SCAMP4: variants seen among roughly 807,000 people sequenced by gnomAD.
The protein encoded by SCAMP4 is secretory carrier membrane protein 4, also known as secretory carrier-associated membrane protein 4.
SCAMP4 carries 19 observed loss-of-function variants against 32.1 expected under a neutral mutation model. The observed-to-expected ratio is 0.59, with a 90% CI of 0.41 to 0.87. The LOEUF is 0.87. Among genes scored for constraint, SCAMP4 ranks in the 40% least tolerant of loss-of-function variants. The pLI is 0.00. For missense variants in SCAMP4, 302 were observed against 309.0 expected, an observed-to-expected ratio of 0.98 and a Z score of 0.17; for synonymous variants, 152 against 132.7, an observed-to-expected ratio of 1.15 and a Z score of -1.00.
chr19:1,923,924 CTATTTTTTATATT>C (rs1568777283), intron 6 of SCAMP4, among the ~76,000 whole-genome samples, 171 bp from the exon 7 acceptor site: 2 of 95,818 alleles, frequency 2.1e-5, no homozygotes, highest in Non-Finnish European at 5.8e-5. Context: ...CGTGCCCGGC[CTATTTTTTATATT>C]GTAGTAGAGA....
intron 1 of SCAMP4, 52 bp downstream of exon 1, chr19:1,905,491 A>T (rs1192287028): frequency 5.1e-6 from 2 of 395,442 alleles, no homozygotes; most frequent in Admixed American, 2.7e-5. Flanking sequence ...ACTTCCCCAG[A>T]GGGGGAGTAG....
Position 1,908,609 on chromosome 19 carries a change from C to G in SCAMP4, c.-42+3170C>G. 2.1e-6 allele frequency: 1 copy of G among 470,714 alleles called. No individual in the cohort carries two copies. The highest frequency in any genetic ancestry group is 1.6e-5 in the South Asian group (1 of 64,496). The allele number at this position is 470,714 out of a possible 1,614,324, so 29.2% of individuals were successfully genotyped here. ...CCAGCACCATCTGAGGCAGTACTGT[C>G]TGCTAGAAATAACTGTGAGCACACA... is the stretch of plus-strand genomic sequence containing the variant. On this transcript the variant is annotated intron_variant, in intron 1 of 6. Coordinates refer to ENST00000316097, the MANE Select transcript of SCAMP4 (RefSeq NM_079834.4). This position sits in a 1 kb window ranked among gnomAD's most constrained non-coding sequence, Gnocchi z 4.2.
chr19:1,912,379 G>A, intron 1 of SCAMP4: 2 of 1,521,256 alleles, frequency 1.3e-6, no homozygotes, highest in Admixed American at 2.0e-5. Context: ...ATGCTGCTTT[G>A]CCTGGCTGGG....
Position 1,908,457 on chromosome 19 carries a change from C to G in SCAMP4, c.-42+3018C>G. 1 of 470,242 alleles carries G rather than the reference C, an allele frequency of 2.1e-6. No homozygotes were observed. The highest frequency in any genetic ancestry group is 1.5e-5 in the South Asian group (1 of 64,526). The allele number at this position is 470,242 out of a possible 1,614,324, so 29.1% of individuals were successfully genotyped here. On this transcript the variant is annotated intron_variant, in intron 1 of 6. Coordinates refer to ENST00000316097, the MANE Select transcript of SCAMP4 (RefSeq NM_079834.4). The surrounding 1 kb of genome is among the most constrained non-coding windows in gnomAD (Gnocchi z 4.2). ...AGTAGCACCCACAGCTGCGCGGCTG[C>G]GAAATGATCCAGAGACACATCCCTG...
rs200992550 is a variant in SCAMP4, at chr19:1,912,430, G to T, written c.-41-2549G>T. 2.2e-3 allele frequency: 3,289 copies of T among 1,511,234 alleles called. 4 individuals carry two copies. The highest frequency in any genetic ancestry group is 5.1e-3 in the Admixed American group (247 of 48,616). 93.6% of individuals were successfully genotyped at this position (1,511,234 alleles called of 1,614,324 possible). A position where few individuals can be genotyped will look rare whatever the true frequency, so the allele number is the denominator to read the frequency against. ...CGCTCGCTGGCTGAGCTCCTGCCAC[G>T]GCCGGCTGTGGACCCCCGCGGCCTG... On this transcript the variant is annotated intron_variant, in intron 1 of 6. Transcript: ENST00000316097.
At chr19:1,910,801 T>C (rs1486192522) in intron 1 of SCAMP4, among the ~76,000 whole-genome samples, 1 of 151,924 alleles carries the variant, frequency 6.6e-6, no homozygotes, top group African/African-American at 2.4e-5. Flanking sequence ...GGTCTCGATC[T>C]CGTGGCCTCA....
At position 1,924,193 on chromosome 19, in the gene SCAMP4, C is replaced by T. The variant is rs999407056; in HGVS notation, c.599C>T (p.Ser200Leu). Residue 200 changes from serine to leucine, a missense_variant, in exon 7 of 7, where the codon TCG (serine) becomes TTG (leucine). Coordinates refer to ENST00000316097, the MANE Select transcript of SCAMP4 (RefSeq NM_079834.4). ...WNTGTWRNPPSREAQYNNFSG... is the reference protein window; with the variant it reads ...WNTGTWRNPPLREAQYNNFSG... The stretch of plus-strand genomic sequence containing the variant: ...ACGGGCACTTGGCGGAACCCACCGT[C>T]GAGGGAGGCCCAGTACAACAACTTC... The T allele has an allele frequency of 5.0e-6, 8 of 1,610,382 alleles. No homozygotes were observed. Among genetic ancestry groups the T allele is most frequent in the East Asian group, 4.5e-5 (2 of 44,740 alleles).
rs2014024071 is a variant in SCAMP4 at position 1,924,168 on chromosome 19, A to G, written c.574A>G (p.Thr192Ala). 3.7e-6 allele frequency: 6 copies of G among 1,611,940 alleles called. No individual in the cohort carries two copies. The East Asian group carries it at 1.1e-4, about 30-fold the overall frequency. ...CCAGAAGGCACAGACGGAGTGGAAC[A>G]CGGGCACTTGGCGGAACCCACCGTC... ...SFQKAQTEWN[T>A]GTWRNPPSRE... Residue 192 changes from threonine (T) to alanine (A), a missense_variant, in exon 7 of 7, where the codon ACG becomes GCG. Coordinates refer to ENST00000316097, the MANE Select transcript of SCAMP4 (RefSeq NM_079834.4).
At chr19:1,911,887 C>G (rs2013469046) in intron 1 of SCAMP4, 1 of 856,224 alleles carries the variant, frequency 1.2e-6, no homozygotes, top group South Asian at 2.6e-5. Context: ...CTGTGCACAC[C>G]AGGGGTTAGC....
chr19:1,911,656 G>A (rs538993742), intron 1 of SCAMP4, among the ~76,000 whole-genome samples: 80 of 152,306 alleles, frequency 5.3e-4, no homozygotes, highest in African/African-American at 1.8e-3. Flanking sequence ...GGTGGCGCAT[G>A]CCTGTAATCC....
Position 1,912,538 on chromosome 19 carries a change from C to T in SCAMP4, c.-41-2441C>T, listed in dbSNP as rs887050126. 6.0e-6 allele frequency: 9 copies of T among 1,500,294 alleles called. No individual in the cohort carries two copies. In the African/African-American group the frequency reaches 1.2e-4, roughly 19 times the overall value. The allele number at this position is 1,500,294 out of a possible 1,614,324, so 92.9% of individuals were successfully genotyped here. ...GAGGAGGCCCGGGCCCACTGGCCCA[C>T]GTCCTTCCACGAGGACAAGCAGGTG... On this transcript the variant is annotated intron_variant, in intron 1 of 6. Transcript: ENST00000316097.
In SCAMP4 at chr19:1,912,842, C is replaced by T. The variant is rs753603109; in HGVS notation, c.-41-2137C>T. On this transcript the variant is annotated intron_variant, in intron 1 of 6. Transcript: ENST00000316097. The stretch of plus-strand genomic sequence containing the variant: ...ACGACTTCAGACCCTTCCCCGCCTG[C>T]TCCTTCGCCCCGGCCGCTGCCCCCC... 4.4e-6 allele frequency: 7 copies of T among 1,594,842 alleles called. No homozygotes were observed. The Admixed American group carries it at 1.2e-4, about 27-fold the overall frequency.
Position 1,908,442 on chromosome 19 carries a change from A to G in SCAMP4, c.-42+3003A>G, listed in dbSNP as rs1422597538. The stretch of plus-strand genomic sequence containing the variant: ...CAGTGCATGTCGAGGAGTAGCACCC[A>G]CAGCTGCGCGGCTGCGAAATGATCC... On this transcript the variant is annotated intron_variant, in intron 1 of 6. Coordinates refer to ENST00000316097, the MANE Select transcript of SCAMP4 (RefSeq NM_079834.4). This position sits in a 1 kb window ranked among gnomAD's most constrained non-coding sequence, Gnocchi z 4.2. 2.1e-6 allele frequency: 1 copy of G among 468,910 alleles called. No homozygotes were observed. The highest frequency in any genetic ancestry group is 7.0e-5 in the East Asian group (1 of 14,358). 29.0% of individuals were successfully genotyped at this position (468,910 alleles called of 1,614,324 possible).
At chr19:1,913,455 T>G (rs2013610238) in intron 1 of SCAMP4, 1 of 500,070 alleles carries the variant, frequency 2.0e-6, no homozygotes, top group Non-Finnish European at 3.7e-6. Context: ...CAAGTGGGTG[T>G]CTGTTAGGAG....
intron 6 of SCAMP4, 57 bp downstream of exon 6, chr19:1,923,244 C>G: frequency 7.0e-7 from 1 of 1,435,870 alleles, no homozygotes; most frequent in Non-Finnish European, 9.4e-7. Flanking sequence ...AACCTCGTCA[C>G]CCAACTGTCC....
intron 1 of SCAMP4, chr19:1,912,220 T>C: frequency 6.3e-7 from 1 of 1,594,678 alleles, no homozygotes. Context: ...GACGTGGAGC[T>C]GGTGCTGGCC....
At chr19:1,917,276 A>C (rs1188388415) in intron 2 of SCAMP4, among the ~76,000 whole-genome samples, 1 of 152,236 alleles carries the variant, frequency 6.6e-6, no homozygotes, top group Non-Finnish European at 1.5e-5. Flanking sequence ...ACTGCCCTCT[A>C]GCCTGGGAGA....
intron 5 of SCAMP4, chr19:1,920,988 C>T: frequency 2.3e-5 from 23 of 985,420 alleles, no homozygotes; most frequent in Non-Finnish European, 2.8e-5. Context: ...AGCATGCGGT[C>T]CCTGCCCGAG....
At chr19:1,918,632 G>A in intron 4 of SCAMP4, 1 of 547,926 alleles carries the variant, frequency 1.8e-6, no homozygotes, top group East Asian at 3.5e-5. Flanking sequence ...CGTGGTTGCG[G>A]GCGCCTATAA....
Sources: gnomAD v4.1 joint callset for allele counts (sites outside exome capture counted in the v4.1 genomes callset) on GRCh38, gnomAD v4.1.1 for gene constraint, Gnocchi (gnomAD v3.1) non-coding constraint, MANE v1.5 for transcripts, NCBI Gene and HGNC (gene_info 2026-07-23, HGNC 2026-07-21) for gene names.